The following CARD14 variants were observed in gnomAD, a reference collection of about 807,000 sequenced individuals.
CARD14 encodes the protein caspase recruitment domain family member 14.
CARD14 carries 107 observed loss-of-function variants against 111.5 expected under a neutral mutation model. That is an observed-to-expected ratio of 0.96 (90% confidence interval 0.82 to 1.13). CARD14 has a LOEUF of 1.13. Among genes scored for constraint, CARD14 ranks in the 50% most tolerant of loss-of-function variants. CARD14 has a pLI of 0.00. For synonymous variants in CARD14, 617 were observed against 579.6 expected (o/e 1.06, Z -0.93); for missense variants, 1,322 against 1,362.3 (o/e 0.97, Z 0.47).
chr17:80,187,522 T>C (rs1328740957), intron 7 of CARD14, among the ~76,000 whole-genome samples: 1 of 152,254 alleles, frequency 6.6e-6, no homozygotes, highest in Non-Finnish European at 1.5e-5. Flanking sequence ...ATTTTACTTT[T>C]TGAATCTGTG....
Position 80,195,358 on chromosome 17 carries a change from C to A in CARD14, c.1499+25C>A. ...GGTAGAGCACTGGGGTCCTTCCTGG[C>A]ACTGGGGTGGCACTGGGGTCCTTCC... On this transcript the variant is annotated intron_variant, in intron 13 of 23. Coordinates refer to ENST00000648509, the MANE Select transcript of CARD14 (RefSeq NM_001366385.1). This position sits in a 1 kb window ranked among gnomAD's most constrained non-coding sequence, Gnocchi z 4.7. 6.3e-7 allele frequency: 1 copy of A among 1,594,768 alleles called. No homozygotes were observed. The highest frequency in any genetic ancestry group is 8.6e-7 in the Non-Finnish European group (1 of 1,166,836).
At position 80,207,005 on chromosome 17, in the gene CARD14, T is replaced by C. The variant is rs770449198; in HGVS notation, c.2727T>C (p.Ser909=). 1.2e-6 allele frequency: 2 copies of C among 1,613,788 alleles called. No individual in the cohort carries two copies. The highest frequency in any genetic ancestry group is 1.7e-6 in the Non-Finnish European group (2 of 1,179,836). The part of the protein sequence containing the change: ...THALLDVQLD[S]VCTLHRMDIF... ...CCCTCCTGGACGTCCAGCTGGACAG[T>C]GTCTGCACCCTGCACAGGATGGACA... Residue 909 remains serine (S), a synonymous_variant, in exon 23 of 24, where the codon AGT becomes AGC. Transcript: ENST00000648509.
At chr17:80,178,185 A>T (rs2040070860) in intron 2 of CARD14, among the ~76,000 whole-genome samples, 1 of 152,150 alleles carries the variant, frequency 6.6e-6, no homozygotes. Context: ...ACTCAGCAGA[A>T]GGGTATGAGT....
At chr17:80,180,240 T>G (rs1231088596) in intron 4 of CARD14, among the ~76,000 whole-genome samples, 1 of 152,024 alleles carries the variant, frequency 6.6e-6, no homozygotes, top group Non-Finnish European at 1.5e-5. Flanking sequence ...GAGCAGGTGT[T>G]CCGGGCTGTA....
chr17:80,208,658 G>C lies in CARD14; in HGVS notation c.*313G>C. On this transcript the variant is annotated 3_prime_UTR_variant, in exon 24 of 24. Transcript: ENST00000648509. ...GTCTTCCCATGCCTTCCCTAGAACCGGAGGCCCCGGACTTCTCTGGAAAAC... is the reference window on the plus strand; with the variant it reads ...GTCTTCCCATGCCTTCCCTAGAACCCGAGGCCCCGGACTTCTCTGGAAAAC... The C allele has an allele frequency of 3.4e-6, 1 of 290,850 alleles. No individual in the cohort carries two copies. The highest frequency in any genetic ancestry group is 6.4e-6 in the Non-Finnish European group (1 of 157,260). The allele number at this position is 290,850 out of a possible 1,614,324, so 18.0% of individuals were successfully genotyped here.
intron 7 of CARD14, among the ~76,000 whole-genome samples, chr17:80,185,597 G>A (rs184172093): frequency 1.4e-4 from 21 of 152,142 alleles, no homozygotes; most frequent in African/African-American, 4.8e-4. Context: ...TGGTATGGAC[G>A]CCCTGTTTTT....
intron 7 of CARD14, among the ~76,000 whole-genome samples, chr17:80,187,013 C>T (rs965750040): frequency 8.5e-5 from 13 of 152,244 alleles, no homozygotes; most frequent in Admixed American, 7.8e-4. Flanking sequence ...TGTACACACA[C>T]ATACTCATAT....
rs1273918369 is a variant in CARD14, at chr17:80,198,100, C to A, written c.1596C>A (p.Asp532Glu). ...TGTGAGCTCTTGGCTTCCTCCCAGA[C>A]CTTCCGCAGCTGGAAAGCAGCCTGC... ...HLDYELLDTA[D>E]LPQLESSLQP... Residue 532 changes from aspartate to glutamate, a missense_variant and splice_region_variant, in exon 15 of 24, where the codon GAC becomes GAA. By Grantham distance (45) the Asp-to-Glu change is conservative. Coordinates refer to ENST00000648509, the MANE Select transcript of CARD14 (RefSeq NM_001366385.1). The surrounding 1 kb of genome is among the most constrained non-coding windows in gnomAD (Gnocchi z 7.5). The A allele has an allele frequency of 1.9e-6, 3 of 1,613,506 alleles. No individual in the cohort carries two copies. The South Asian group carries it at 3.3e-5, about 18-fold the overall frequency.
At chr17:80,186,937 A>C (rs1283386515) in intron 7 of CARD14, among the ~76,000 whole-genome samples, 1 of 152,252 alleles carries the variant, frequency 6.6e-6, no homozygotes, top group Non-Finnish European at 1.5e-5. Context: ...TTCAGGGGAC[A>C]GAGCTAGGAA....
In CARD14 at chr17:80,192,483, G is replaced by C. The variant is rs770649176; in HGVS notation, c.1240-20G>C. ...GAACCTTTCCCGAATTAACCAGCCT[G>C]TCTGGCCTGTCTTTGGCAGCTCAAG... On this transcript the variant is annotated intron_variant, in intron 11 of 23. Coordinates refer to ENST00000648509, the MANE Select transcript of CARD14 (RefSeq NM_001366385.1). The C allele has an allele frequency of 2.5e-6, 4 of 1,601,562 alleles. No individual in the cohort carries two copies. The highest frequency in any genetic ancestry group is 1.7e-4 in the Middle Eastern group (1 of 6,030).
At chr17:80,206,011 C>T (rs1415326583) in intron 22 of CARD14, 6 of 184,176 alleles carry the variant, frequency 3.3e-5, no homozygotes, top group East Asian at 1.6e-4. Context: ...TGCACAGGCA[C>T]GGGAAGCCGA....
chr17:80,187,279 G>A (rs1389178594), intron 7 of CARD14, among the ~76,000 whole-genome samples: 1 of 152,154 alleles, frequency 6.6e-6, no homozygotes, highest in African/African-American at 2.4e-5. Context: ...CGCTAAGACG[G>A]GTGCCGGACT....
rs1236738740 is a variant in CARD14 at position 80,207,021 on chromosome 17, A to G, written c.2743A>G (p.Arg915Gly). 6.2e-7 allele frequency: 1 copy of G among 1,614,070 alleles called. No homozygotes were observed. Among genetic ancestry groups the G allele is most frequent in the Non-Finnish European group, 8.5e-7 (1 of 1,179,980 alleles). ...GCTGGACAGTGTCTGCACCCTGCACAGGATGGACATCTTCCCCATCGTCAT... is the reference window on the plus strand; with the variant it reads ...GCTGGACAGTGTCTGCACCCTGCACGGGATGGACATCTTCCCCATCGTCAT... Reference protein sequence around the residue: ...VQLDSVCTLHRMDIFPIVIHV... With the variant: ...VQLDSVCTLHGMDIFPIVIHV... Residue 915 changes from arginine (R) to glycine (G), a missense_variant, in exon 23 of 24, where the codon AGG (arginine) becomes GGG (glycine). Coordinates refer to ENST00000648509, the MANE Select transcript of CARD14 (RefSeq NM_001366385.1).
At chr17:80,205,737 G>C in intron 22 of CARD14, 85 bp downstream of exon 22, 1 of 1,378,990 alleles carries the variant, frequency 7.3e-7, no homozygotes. Flanking sequence ...TAAAGGTACA[G>C]GGACCGACCT....
rs1183888969 is a variant in CARD14 at position 80,203,683 on chromosome 17, CA to C, written c.2220-136del. On this transcript the variant is annotated intron_variant, in intron 18 of 23. Coordinates refer to ENST00000648509, the MANE Select transcript of CARD14 (RefSeq NM_001366385.1). This position sits in a 1 kb window ranked among gnomAD's most constrained non-coding sequence, Gnocchi z 4.6. ...CAGGATGGAGCGCTCCAGCCTGCAG[CA>C]AAGGGATGTGTGGAGCTCTAGGTGG... 8.1e-6 allele frequency: 5 copies of C among 617,296 alleles called. No individual in the cohort carries two copies. Among genetic ancestry groups the C allele is most frequent in the Non-Finnish European group, 1.4e-5 (5 of 348,612 alleles). 38.2% of individuals were successfully genotyped at this position (617,296 alleles called of 1,614,324 possible).
In CARD14 at chr17:80,202,253, C is replaced by T; in HGVS notation, c.2052C>T (p.Asn684=). The T allele has an allele frequency of 6.2e-7, 1 of 1,614,054 alleles. No homozygotes were observed. The highest frequency in any genetic ancestry group is 1.3e-5 in the African/African-American group (1 of 75,052). ...TSGDSFYIRV[N]LAMEGRAKGE... ...GGGACTCATTCTACATCCGGGTCAACCTGGCCATGGAGGGCAGGGCCAAAG... is the reference window on the plus strand; with the variant it reads ...GGGACTCATTCTACATCCGGGTCAATCTGGCCATGGAGGGCAGGGCCAAAG... The change falls in exon 18 of 24, where the codon AAC becomes AAT. Residue 684 remains asparagine, a synonymous_variant. Transcript: ENST00000648509.
intron 4 of CARD14, among the ~76,000 whole-genome samples, chr17:80,180,153 G>C (rs973429216): frequency 3.9e-5 from 6 of 152,200 alleles, no homozygotes; most frequent in African/African-American, 1.4e-4. Flanking sequence ...CTCTCGCTGG[G>C]ATGGGAGGCT....
intron 12 of CARD14, among the ~76,000 whole-genome samples, chr17:80,193,040 G>A (rs1197821328): frequency 3.3e-5 from 5 of 152,270 alleles, no homozygotes; most frequent in Middle Eastern, 3.4e-3. Context: ...ATGAGCCACC[G>A]CACCTGGCCC....
rs992036739 is a variant in CARD14, at chr17:80,206,127, G to A, written c.2691+475G>A. Among the ~76,000 whole-genome samples the A allele has an allele frequency of 2.0e-5, 3 of 152,158 alleles. No homozygotes were observed. The East Asian group carries it at 5.8e-4, about 29-fold the overall frequency. On this transcript the variant is annotated intron_variant, in intron 22 of 23. Transcript: ENST00000648509. Reference sequence around the variant, plus strand: ...AGATTTTCCCAGTGAAAAATCAAAGGGATGGAAACTCTTAATACTGCATAG... The same window carrying A: ...AGATTTTCCCAGTGAAAAATCAAAGAGATGGAAACTCTTAATACTGCATAG...
Sources: gnomAD v4.1 joint callset for allele counts (sites outside exome capture counted in the v4.1 genomes callset) on GRCh38, gnomAD v4.1.1 for gene constraint, Gnocchi (gnomAD v3.1) non-coding constraint, MANE v1.5 for transcripts, NCBI Gene and HGNC (gene_info 2026-07-23, HGNC 2026-07-21) for gene names.